PRR12: variants seen among roughly 807,000 people sequenced by gnomAD.
PRR12 encodes the protein proline rich 12.
A neutral mutation model predicts 138.0 loss-of-function variants in PRR12; 12 were observed. The observed-to-expected ratio is 0.09, with a 90% CI of 0.06 to 0.14. The LOEUF is 0.14. Ranked by LOEUF, PRR12 falls within the 10% of genes least tolerant of loss-of-function variation. The pLI is 1.00. For synonymous variants in PRR12, 1,567 were observed against 1,291.7 expected, an observed-to-expected ratio of 1.21 and a Z score of -4.57; for missense variants, 2,692 against 2,861.3, an observed-to-expected ratio of 0.94 and a Z score of 1.35.
In PRR12 at chr19:49,599,185, G is replaced by A. The variant is rs551020077; in HGVS notation, c.3679-87G>A. On this transcript the variant is annotated intron_variant, in intron 4 of 13. Transcript: ENST00000418929. The surrounding 1 kb of genome is among the most constrained non-coding windows in gnomAD (Gnocchi z 5.0). The stretch of plus-strand genomic sequence containing the variant: ...CTATAAATTCACAGGCTGAGCACCT[G>A]TAAATTTGGATTTTTGGGGGCTGAG... The A allele has an allele frequency of 5.6e-5, 75 of 1,329,658 alleles. No homozygotes were observed. In the African/African-American group the frequency reaches 1.1e-3, roughly 19 times the overall value. 82.4% of individuals were successfully genotyped at this position (1,329,658 alleles called of 1,614,324 possible). A position where few individuals can be genotyped will look rare whatever the true frequency, so the allele number is the denominator to read the frequency against.
chr19:49,608,916 C>T (rs1168249812), intron 6 of PRR12, among the ~76,000 whole-genome samples: 1 of 152,052 alleles, frequency 6.6e-6, no homozygotes, highest in Non-Finnish European at 1.5e-5. Flanking sequence ...GCTGAATTGA[C>T]AGGGCCAGGC....
intron 10 of PRR12, among the ~76,000 whole-genome samples, chr19:49,620,963 T>C (rs1202586853): frequency 8.6e-6 from 1 of 116,516 alleles, no homozygotes; most frequent in Non-Finnish European, 1.8e-5. Context: ...CCTGGACTCC[T>C]GGGTCTGAGG....
At chr19:49,606,410 C>T (rs1427612995) in intron 6 of PRR12, among the ~76,000 whole-genome samples, 1 of 151,292 alleles carries the variant, frequency 6.6e-6, no homozygotes, top group East Asian at 1.9e-4. Flanking sequence ...CTCCCACATT[C>T]AAGCGATTCT....
At chr19:49,591,808 C>A in intron 1 of PRR12, 68 bp downstream of exon 1, 1 of 991,002 alleles carries the variant, frequency 1.0e-6, no homozygotes, top group Non-Finnish European at 1.3e-6. Context: ...CGGGCCGGGC[C>A]GGGCCGGGCC....
At chr19:49,593,224 C>T in intron 1 of PRR12, 103 bp from the exon 2 acceptor site, 2 of 599,708 alleles carry the variant, frequency 3.3e-6, no homozygotes, top group Non-Finnish European at 3.0e-6. Flanking sequence ...CCCCCCACCC[C>T]GGTCAGCTGG....
intron 6 of PRR12, among the ~76,000 whole-genome samples, chr19:49,604,334 C>G (rs1007503582): frequency 1.3e-5 from 2 of 148,966 alleles, no homozygotes; most frequent in Non-Finnish European, 3.0e-5. Context: ...GACCTCACAT[C>G]TACCAAAAAC....
chr19:49,597,583 G>A lies in PRR12; in HGVS notation c.3248G>A (p.Arg1083His). The change falls in exon 4 of 14, where the codon CGC becomes CAC. Residue 1083 changes from arginine to histidine, a missense_variant. Arg to His is a conservative substitution (Grantham distance 29). Transcript: ENST00000418929. This position sits in a 1 kb window ranked among gnomAD's most constrained non-coding sequence, Gnocchi z 6.3. ...ACATCCTCCTTCCACCTGCTGCGGC[G>A]CCGCGACCCACCCTTCCAGACCCCC... ...LKTSSFHLLR[R>H]RDPPFQTPKK... 10 of 1,606,242 alleles carry A rather than the reference G, an allele frequency of 6.2e-6. No homozygotes were observed. Among genetic ancestry groups the A allele is most frequent in the Non-Finnish European group, 8.5e-6 (10 of 1,177,502 alleles).
chr19:49,620,754 G>A (rs1343552858), intron 10 of PRR12, among the ~76,000 whole-genome samples: 1 of 142,498 alleles, frequency 7.0e-6, no homozygotes, highest in Non-Finnish European at 1.6e-5. Context: ...TGGACTCCTG[G>A]GTCTGAGGGA....
intron 6 of PRR12, among the ~76,000 whole-genome samples, chr19:49,603,608 C>T (rs2080823130): frequency 6.6e-6 from 1 of 152,014 alleles, no homozygotes. Flanking sequence ...AGGAGGATCA[C>T]TTGAACTCTG....
At position 49,596,918 on chromosome 19, in the gene PRR12, C is replaced by T; in HGVS notation, c.2583C>T (p.Pro861=). ...ACCTCCGCAGCCATGGCCTGGAGCC[C>T]GCGGCCCCCAGCCCCCGCCTGCGAC... ...EAHLRSHGLE[P]AAPSPRLRPE... Residue 861 remains proline (P), a synonymous_variant, in exon 4 of 14, where the codon CCC becomes CCT. Transcript: ENST00000418929. The surrounding 1 kb of genome is among the most constrained non-coding windows in gnomAD (Gnocchi z 5.6). 2.6e-6 allele frequency: 4 copies of T among 1,550,924 alleles called. No individual in the cohort carries two copies. The highest frequency in any genetic ancestry group is 2.6e-6 in the Non-Finnish European group (3 of 1,154,940).
chr19:49,596,493 C>G lies in PRR12; in HGVS notation c.2158C>G (p.Leu720Val). 6.2e-7 allele frequency: 1 copy of G among 1,610,468 alleles called. No homozygotes were observed. Among genetic ancestry groups the G allele is most frequent in the Non-Finnish European group, 8.5e-7 (1 of 1,179,044 alleles). The change falls in exon 4 of 14, where the codon CTG (leucine) becomes GTG (valine). Residue 720 changes from leucine to valine, a missense_variant. Physicochemically the swap from Leu to Val is conservative, Grantham distance 32. Transcript: ENST00000418929. This position sits in a 1 kb window ranked among gnomAD's most constrained non-coding sequence, Gnocchi z 5.6. ...TGAGGGTGCCACTGCGGCACTGGAG[C>G]TGGGCCTGGGGAGGCTGAAGGAGAA... Reference protein sequence around the residue: ...LDEGATAALELGLGRLKEKKK... With the variant: ...LDEGATAALEVGLGRLKEKKK...
chr19:49,597,860 G>T lies in PRR12; in HGVS notation c.3525G>T (p.Arg1175=). 1 of 1,459,902 alleles carries T rather than the reference G, an allele frequency of 6.8e-7. No homozygotes were observed. The allele number at this position is 1,459,902 out of a possible 1,614,324, so 90.4% of individuals were successfully genotyped here. Residue 1175 remains arginine, a synonymous_variant, in exon 4 of 14, where the codon CGG becomes CGT. Coordinates refer to ENST00000418929, the MANE Select transcript of PRR12 (RefSeq NM_020719.3). The surrounding 1 kb of genome is among the most constrained non-coding windows in gnomAD (Gnocchi z 6.3). ...CACCCCGGCCACGGGGGAGGCCCCG[G>T]ATCCGCCCCCTGGAGGTCCCGACCA... ...DGPPRPRGRP[R]IRPLEVPTTA...
Position 49,616,268 on chromosome 19 carries a change from C to T in PRR12, c.5497+49C>T. 1 of 1,453,146 alleles carries T rather than the reference C, an allele frequency of 6.9e-7. No individual in the cohort carries two copies. Among genetic ancestry groups the T allele is most frequent in the Non-Finnish European group, 9.2e-7 (1 of 1,092,746 alleles). The allele number at this position is 1,453,146 out of a possible 1,614,324, so 90.0% of individuals were successfully genotyped here. ...GCTGCAGGGGTGGGTGGGGAAGGGA[C>T]ACAGGTGAGGGCTGTCCAGAGGGCT... On this transcript the variant is annotated intron_variant, in intron 9 of 13. Coordinates refer to ENST00000418929, the MANE Select transcript of PRR12 (RefSeq NM_020719.3). The surrounding 1 kb of genome is among the most constrained non-coding windows in gnomAD (Gnocchi z 4.2).
intron 9 of PRR12, among the ~76,000 whole-genome samples, chr19:49,619,332 T>C (rs2080909013): frequency 6.8e-6 from 1 of 146,132 alleles, no homozygotes; most frequent in Non-Finnish European, 1.5e-5. Context: ...GCCTCCCGGG[T>C]TCAAGCGATT....
At position 49,596,004 on chromosome 19, in the gene PRR12, G is replaced by A. The variant is rs750486383; in HGVS notation, c.1669G>A (p.Gly557Ser). 38 of 1,600,886 alleles carry A rather than the reference G, an allele frequency of 2.4e-5. No individual in the cohort carries two copies. The highest frequency in any genetic ancestry group is 1.1e-4 in the African/African-American group (8 of 74,914). The change falls in exon 4 of 14, where the codon GGT becomes AGT. Residue 557 changes from glycine (G) to serine (S), a missense_variant. This residue lies in a region of PRR12 where 66 missense variants were observed against 102.4 expected (regional missense o/e 0.64). Coordinates refer to ENST00000418929, the MANE Select transcript of PRR12 (RefSeq NM_020719.3). The surrounding 1 kb of genome is among the most constrained non-coding windows in gnomAD (Gnocchi z 5.6). The part of the protein sequence containing the change: ...GWGPSSLGGG[G>S]EASPSHIIRP... ...GGGACCCAGCTCCCTGGGAGGCGGC[G>A]GTGAGGCCAGCCCATCTCACATCAT...
chr19:49,597,546 A>G lies in PRR12; in HGVS notation c.3211A>G (p.Lys1071Glu). 1 of 1,582,264 alleles carries G rather than the reference A, an allele frequency of 6.3e-7. No homozygotes were observed. ...SPIFCSTKPKKLLKTSSFHLL... is the reference protein window; with the variant it reads ...SPIFCSTKPKELLKTSSFHLL... ...CATCTTCTGCTCTACCAAGCCAAAG[A>G]AGCTGCTCAAGACATCCTCCTTCCA... Residue 1071 changes from lysine (K) to glutamate (E), a missense_variant, in exon 4 of 14, where the codon AAG becomes GAG. This residue lies in a region of PRR12 where 840 missense variants were observed against 689.8 expected (regional missense o/e 1.22). Coordinates refer to ENST00000418929, the MANE Select transcript of PRR12 (RefSeq NM_020719.3). This position sits in a 1 kb window ranked among gnomAD's most constrained non-coding sequence, Gnocchi z 6.3.
rs2080765659 is a variant in PRR12, at chr19:49,596,018, A to G, written c.1683A>G (p.Pro561=). 6.2e-7 allele frequency: 1 copy of G among 1,601,302 alleles called. No homozygotes were observed. Among genetic ancestry groups the G allele is most frequent in the Non-Finnish European group, 8.5e-7 (1 of 1,179,682 alleles). ...SSLGGGGEAS[P]SHIIRPLQSP... is the part of the protein sequence containing the mutation. ...TGGGAGGCGGCGGTGAGGCCAGCCC[A>G]TCTCACATCATTCGTCCGCTCCAGT... Residue 561 remains proline, a synonymous_variant, in exon 4 of 14, where the codon CCA becomes CCG. Transcript: ENST00000418929. This position sits in a 1 kb window ranked among gnomAD's most constrained non-coding sequence, Gnocchi z 5.6.
intron 6 of PRR12, among the ~76,000 whole-genome samples, chr19:49,602,420 C>T (rs1240415260): frequency 1.3e-5 from 2 of 152,126 alleles, no homozygotes; most frequent in African/African-American, 4.8e-5. Context: ...TGAATTGGGC[C>T]GGACGCGGCA....
chr19:49,593,694 CCTT>C (rs1374753144), intron 2 of PRR12, among the ~76,000 whole-genome samples: 1 of 152,154 alleles, frequency 6.6e-6, no homozygotes, highest in Non-Finnish European at 1.5e-5. Context: ...CCAAATCCCA[CCTT>C]CTCTTCCAGG....
Sources: allele counts gnomAD v4.1 joint callset (sites outside exome capture counted in the v4.1 genomes callset), GRCh38; gene constraint gnomAD v4.1.1; regional missense constraint gnomAD v4.1.1; non-coding constraint Gnocchi (gnomAD v3.1); transcripts MANE v1.5; gene names NCBI Gene and HGNC (gene_info 2026-07-23, HGNC 2026-07-21).